Variants in PRIMA1 observed in about 807,000 individuals in gnomAD.
PRIMA1 encodes the protein proline-rich membrane anchor 1.
A neutral mutation model predicts 17.5 loss-of-function variants in PRIMA1; 7 were observed. That is an observed-to-expected ratio of 0.40 (90% CI 0.23 to 0.75). The LOEUF (loss-of-function observed/expected upper bound fraction) is 0.75. Ranked by LOEUF, PRIMA1 falls within the 30% of genes least tolerant of loss-of-function variation. The probability of loss-of-function intolerance (pLI) is 0.37; values close to 1 mark genes in which losing one functional copy is unlikely to be tolerated. For missense variants in PRIMA1, 200 were observed against 201.8 expected (o/e 0.99, Z 0.05); for synonymous variants, 97 against 77.9 (o/e 1.25, Z -1.29).
chr14:93,755,031 T>G (rs1284557930), intron 3 of PRIMA1, among the ~76,000 whole-genome samples: 1 of 152,138 alleles, frequency 6.6e-6, no homozygotes, highest in African/African-American at 2.4e-5. Context: ...CTCTGGGAAC[T>G]GACATTCCCA....
chr14:93,755,596 GGAC>G (rs1397264961), intron 3 of PRIMA1, among the ~76,000 whole-genome samples: 2 of 152,168 alleles, frequency 1.3e-5, no homozygotes, highest in Non-Finnish European at 2.9e-5. Context: ...GTTGGGCACT[GGAC>G]TGCCTGGTGG....
rs527376588 is a variant in PRIMA1 at position 93,776,339 on chromosome 14, C to T, written c.229+2837G>A. 2.8e-4 allele frequency among the ~76,000 whole-genome samples: 42 copies of T among 152,266 alleles called. No individual in the cohort carries two copies. In the East Asian group the frequency reaches 7.9e-3, roughly 29 times the overall value. On this transcript the variant is annotated intron_variant, in intron 3 of 4. Transcript: ENST00000393140. ...AAAAAGTCCTGCCATACAGAGCTCT[C>T]CTCTCTTACTCTCCTCTCCCAAGAA...
intron 3 of PRIMA1, among the ~76,000 whole-genome samples, chr14:93,755,014 G>A (rs569772999): frequency 3.9e-5 from 6 of 152,274 alleles, no homozygotes; most frequent in South Asian, 2.1e-4. Context: ...GTGAGGTCTC[G>A]AAAGCTCTCT....
In PRIMA1 at chr14:93,721,054, C is replaced by T. The variant is rs962765804; in HGVS notation, c.*390G>A. On this transcript the variant is annotated 3_prime_UTR_variant, in exon 5 of 5. Transcript: ENST00000393140. ...AGGTTTTCCGGCAGGGAGTGGGCTC[C>T]GGACCATCTTTCTTTTGGCTAAAGG... is the stretch of plus-strand genomic sequence containing the variant. The T allele has an allele frequency of 5.0e-5, 9 of 179,654 alleles. No homozygotes were observed. The highest frequency in any genetic ancestry group is 2.9e-4 in the East Asian group (2 of 6,892). The allele number at this position is 179,654 out of a possible 1,614,324, so 11.1% of individuals were successfully genotyped here. A position where few individuals can be genotyped will look rare whatever the true frequency, so the allele number is the denominator to read the frequency against.
chr14:93,722,544 G>A (rs1488557981), intron 4 of PRIMA1, among the ~76,000 whole-genome samples: 1 of 149,566 alleles, frequency 6.7e-6, no homozygotes, highest in Non-Finnish European at 1.5e-5. Flanking sequence ...GGTGATACTC[G>A]TGATGGAGGT....
intron 3 of PRIMA1, among the ~76,000 whole-genome samples, chr14:93,762,156 C>G (rs1011467314): frequency 6.6e-6 from 1 of 152,110 alleles, no homozygotes; most frequent in Non-Finnish European, 1.5e-5. Flanking sequence ...CAGGTGGGGC[C>G]GGCCCCACCT....
chr14:93,736,779 G>A (rs2076152841), intron 4 of PRIMA1, among the ~76,000 whole-genome samples: 1 of 152,266 alleles, frequency 6.6e-6, no homozygotes, highest in Non-Finnish European at 1.5e-5. Context: ...TGTTAGGAAT[G>A]TTCTTAATGT....
Position 93,726,892 on chromosome 14 carries a change from CAT to C in PRIMA1, c.360-5348_360-5347del, listed in dbSNP as rs1320643979. 3.3e-5 allele frequency among the ~76,000 whole-genome samples: 5 copies of C among 152,192 alleles called. No individual in the cohort carries two copies. The highest frequency in any genetic ancestry group is 1.2e-4 in the African/African-American group (5 of 41,432). ...ATATGTGCACATGCATGCACACATA[CAT>C]ATGAATACACATATGCATATGCATA... On this transcript the variant is annotated intron_variant, in intron 4 of 4. Transcript: ENST00000393140. This position sits in a 1 kb window ranked among gnomAD's most constrained non-coding sequence, Gnocchi z 4.2.
rs571385308 is a variant in PRIMA1 at position 93,778,297 on chromosome 14, T to C, written c.229+879A>G. 7.6e-4 allele frequency among the ~76,000 whole-genome samples: 116 copies of C among 152,188 alleles called. No individual in the cohort carries two copies. In the Middle Eastern group the frequency reaches 0.031, roughly 40 times the overall value. ...TGGGCCACAGGGTGTCAGGGAAGGATGGAGATATATAGAGGCCTCACAGTC... is the reference window on the plus strand; with the variant it reads ...TGGGCCACAGGGTGTCAGGGAAGGACGGAGATATATAGAGGCCTCACAGTC... On this transcript the variant is annotated intron_variant, in intron 3 of 4. Coordinates refer to ENST00000393140, the MANE Select transcript of PRIMA1 (RefSeq NM_178013.4).
At chr14:93,737,715 G>T (rs2076160150) in intron 3 of PRIMA1, among the ~76,000 whole-genome samples, 1 of 152,180 alleles carries the variant, frequency 6.6e-6, no homozygotes, top group Admixed American at 6.5e-5. Context: ...GGCCATCCCT[G>T]CCCCCACCCT....
intron 3 of PRIMA1, among the ~76,000 whole-genome samples, chr14:93,746,792 C>G (rs2076221394): frequency 1.3e-5 from 2 of 151,964 alleles, no homozygotes; most frequent in Non-Finnish European, 2.9e-5. Flanking sequence ...GAAATGCTCT[C>G]GAGGTGGATT....
At chr14:93,782,330 T>C (rs1443378375) in intron 2 of PRIMA1, among the ~76,000 whole-genome samples, 1 of 143,780 alleles carries the variant, frequency 7.0e-6, no homozygotes, top group Non-Finnish European at 1.5e-5. Flanking sequence ...ATAAAATTGA[T>C]AGCTTTGGCC....
chr14:93,760,710 G>A (rs934738498), intron 3 of PRIMA1, among the ~76,000 whole-genome samples: 2 of 152,310 alleles, frequency 1.3e-5, no homozygotes, highest in East Asian at 1.9e-4. Flanking sequence ...GAGGTGCTCA[G>A]TACACACTAG....
At chr14:93,752,523 T>C (rs139137439) in intron 3 of PRIMA1, among the ~76,000 whole-genome samples, 214 of 152,006 alleles carry the variant, frequency 1.4e-3, no homozygotes, top group African/African-American at 4.7e-3. Context: ...TTCCTGAAAA[T>C]AACAAGCAGA....
intron 3 of PRIMA1, among the ~76,000 whole-genome samples, chr14:93,759,585 A>C (rs61980274): frequency 0.38 from 57,574 of 151,960 alleles, 11,422 homozygotes; most frequent in Non-Finnish European, 0.44. Flanking sequence ...TGCAAAAAAG[A>C]GAGCATGACG....
rs1025999999 is a variant in PRIMA1 at position 93,721,162 on chromosome 14, C to T, written c.*282G>A. The stretch of plus-strand genomic sequence containing the variant: ...GCTTTAGACAGCAGCTGGGGGCAGT[C>T]GACAGACCAGACACCAGACAGGGAG... On this transcript the variant is annotated 3_prime_UTR_variant, in exon 5 of 5. Transcript: ENST00000393140. 3 of 419,918 alleles carry T rather than the reference C, an allele frequency of 7.1e-6. No homozygotes were observed. Among genetic ancestry groups the T allele is most frequent in the African/African-American group, 2.0e-5 (1 of 49,670 alleles). The allele number at this position is 419,918 out of a possible 1,614,324, so 26.0% of individuals were successfully genotyped here. A position where few individuals can be genotyped will look rare whatever the true frequency, so the allele number is the denominator to read the frequency against.
intron 3 of PRIMA1, among the ~76,000 whole-genome samples, chr14:93,760,132 G>T (rs1025566988): frequency 2.0e-5 from 3 of 152,240 alleles, no homozygotes; most frequent in African/African-American, 7.2e-5. Context: ...CTGCCAGGGG[G>T]AACAAAACAA....
intron 3 of PRIMA1, among the ~76,000 whole-genome samples, chr14:93,744,474 G>A (rs1347992239): frequency 6.6e-6 from 1 of 152,196 alleles, no homozygotes; most frequent in Non-Finnish European, 1.5e-5. Flanking sequence ...CTGGGTGCGG[G>A]GCTGCTCACT....
At chr14:93,752,760 G>A (rs536048810) in intron 3 of PRIMA1, among the ~76,000 whole-genome samples, 3 of 152,066 alleles carry the variant, frequency 2.0e-5, no homozygotes, top group East Asian at 1.9e-4. Context: ...CTGAAGATCC[G>A]GGGCACGCAA....
Sources: gnomAD v4.1 joint callset for allele counts (sites outside exome capture counted in the v4.1 genomes callset) on GRCh38, gnomAD v4.1.1 for gene constraint, Gnocchi (gnomAD v3.1) non-coding constraint, MANE v1.5 for transcripts, NCBI Gene and HGNC (gene_info 2026-07-23, HGNC 2026-07-21) for gene names.